Variants in CFDP1 observed in about 807,000 individuals in gnomAD.
The protein encoded by CFDP1 is heterochromatin-stabilizing protein CFDP1.
A neutral mutation model predicts 40.1 loss-of-function variants in CFDP1; 31 were observed. The ratio of observed to expected loss-of-function variants is 0.77; its 90% CI spans 0.58 to 1.04. The LOEUF is 1.04. CFDP1 is among the 50% of genes least tolerant of loss of function. The pLI, the probability that CFDP1 is intolerant of heterozygous loss-of-function variation, is 0.00. For synonymous variants in CFDP1, 167 were observed against 120.0 expected (o/e 1.39, Z -2.56); for missense variants, 423 against 343.4 (o/e 1.23, Z -1.83).
chr16:75,412,545 G>A lies in CFDP1; in HGVS notation c.392C>T (p.Thr131Ile), dbSNP rs191833187. ...AATGTCTCAACTTACCTTAACTTGTGTACTTGGGGGCACTTTTGATTTTGG... is the reference window on the plus strand; with the variant it reads ...AATGTCTCAACTTACCTTAACTTGTATACTTGGGGGCACTTTTGATTTTGG... ...VGPKSKVPPS[T>I]QVKKGEETEE... Residue 131 changes from threonine to isoleucine, a missense_variant, in exon 3 of 7, where the codon ACA becomes ATA. Coordinates refer to ENST00000283882, the MANE Select transcript of CFDP1 (RefSeq NM_006324.3). 4.0e-4 allele frequency: 640 copies of A among 1,613,462 alleles called. 3 individuals carry two copies. The East Asian group carries it at 0.013, about 33-fold the overall frequency.
chr16:75,362,152 G>T (rs1329328525), intron 5 of CFDP1, among the ~76,000 whole-genome samples: 1 of 152,232 alleles, frequency 6.6e-6, no homozygotes, highest in Non-Finnish European at 1.5e-5. Context: ...TCCTGGGTCA[G>T]TACTGTCATT....
chr16:75,305,136 C>T lies in CFDP1; in HGVS notation c.697G>A (p.Ala233Thr). Residue 233 changes from alanine to threonine, a missense_variant, in exon 6 of 7, where the codon GCC becomes ACC. Transcript: ENST00000283882. ...GMSSLLGKIG[A>T]KKQKMSTLEK... The stretch of plus-strand genomic sequence containing the variant: ...AGGGTGCTCATTTTCTGCTTCTTGG[C>T]ACCAATTTTCCCCAAAAGGCTGCTC... 3 of 1,614,126 alleles carry T rather than the reference C, an allele frequency of 1.9e-6. No individual in the cohort carries two copies. The highest frequency in any genetic ancestry group is 2.5e-6 in the Non-Finnish European group (3 of 1,180,016).
At chr16:75,326,987 T>G (rs952449992) in intron 5 of CFDP1, among the ~76,000 whole-genome samples, 4 of 152,180 alleles carry the variant, frequency 2.6e-5, no homozygotes, top group African/African-American at 9.6e-5. Context: ...AAAACGGGAA[T>G]AGGCCGGGCG....
At chr16:75,331,278 A>T (rs1165244015) in intron 5 of CFDP1, among the ~76,000 whole-genome samples, 1 of 152,120 alleles carries the variant, frequency 6.6e-6, no homozygotes, top group Non-Finnish European at 1.5e-5. Context: ...AGATTTTTTA[A>T]AATTTTGATT....
chr16:75,407,385 A>G (rs1299614440), intron 4 of CFDP1, among the ~76,000 whole-genome samples: 2 of 152,102 alleles, frequency 1.3e-5, no homozygotes, highest in African/African-American at 4.8e-5. Flanking sequence ...TTAAAAAAAT[A>G]TTCACACATG....
intron 5 of CFDP1, among the ~76,000 whole-genome samples, chr16:75,351,678 A>T (rs2078612161): frequency 6.6e-6 from 1 of 152,202 alleles, no homozygotes; most frequent in Admixed American, 6.5e-5. Flanking sequence ...GAAAATACTT[A>T]TCTTTCCTAT....
intron 4 of CFDP1, among the ~76,000 whole-genome samples, chr16:75,398,782 G>T (rs1330863753): frequency 2.0e-5 from 2 of 100,586 alleles, no homozygotes; most frequent in Admixed American, 1.3e-4. Flanking sequence ...AAGGCTGGGC[G>T]TGGTGGTCAT....
At chr16:75,312,928 G>C (rs1212735843) in intron 5 of CFDP1, among the ~76,000 whole-genome samples, 1 of 152,206 alleles carries the variant, frequency 6.6e-6, no homozygotes, top group Non-Finnish European at 1.5e-5. Flanking sequence ...GAGAATGTCA[G>C]ATGGGTATAG....
intron 6 of CFDP1, among the ~76,000 whole-genome samples, chr16:75,299,232 A>G (rs865963459): frequency 4.5e-4 from 69 of 152,290 alleles, no homozygotes; most frequent in African/African-American, 1.6e-3. Flanking sequence ...GCTGACTGAA[A>G]TGACTCCTGG....
At chr16:75,294,144 G>C (rs184315759) in intron 6 of CFDP1, 102 bp from the exon 7 acceptor site, 40 of 842,434 alleles carry the variant, frequency 4.7e-5, no homozygotes, top group Admixed American at 6.1e-5. Flanking sequence ...AGTAAATGGT[G>C]CCGAGAGTGA....
chr16:75,370,722 TGTG>T (rs2078745555), intron 5 of CFDP1, among the ~76,000 whole-genome samples: 1 of 151,944 alleles, frequency 6.6e-6, no homozygotes, highest in Non-Finnish European at 1.5e-5. Context: ...AATTAGCTGG[TGTG>T]GTGGCATGTG....
At chr16:75,340,230 C>G (rs891987712) in intron 5 of CFDP1, among the ~76,000 whole-genome samples, 1 of 152,186 alleles carries the variant, frequency 6.6e-6, no homozygotes, top group African/African-American at 2.4e-5. Context: ...GAGGTATCGA[C>G]AACAACCCTG....
At chr16:75,424,513 T>C (rs1012142988) in intron 1 of CFDP1, among the ~76,000 whole-genome samples, 2 of 152,248 alleles carry the variant, frequency 1.3e-5, no homozygotes, top group South Asian at 2.1e-4. Context: ...CCCAGCACTT[T>C]GGGAGGCTGA....
chr16:75,401,424 G>A (rs11861834), intron 4 of CFDP1, among the ~76,000 whole-genome samples: 1,958 of 86,586 alleles, frequency 0.023, 44 homozygotes, highest in African/African-American at 0.074. Flanking sequence ...TTAAGACTCC[G>A]TCTCAAAAAA....
intron 1 of CFDP1, among the ~76,000 whole-genome samples, chr16:75,427,790 T>C (rs2079358077): frequency 1.3e-5 from 2 of 152,212 alleles, no homozygotes; most frequent in Non-Finnish European, 2.9e-5. Flanking sequence ...AAGCTGTGTG[T>C]AAATATTTAT....
At chr16:75,299,464 G>A (rs1030434965) in intron 6 of CFDP1, among the ~76,000 whole-genome samples, 2 of 151,674 alleles carry the variant, frequency 1.3e-5, no homozygotes, top group South Asian at 2.1e-4. Context: ...GTGTGGTGGC[G>A]GGCGCCTGTA....
At chr16:75,432,269 C>T (rs557181924) in intron 1 of CFDP1, among the ~76,000 whole-genome samples, 3 of 146,800 alleles carry the variant, frequency 2.0e-5, no homozygotes, top group African/African-American at 5.0e-5. Context: ...GGCGCGGTGG[C>T]TCATGCCTGT....
chr16:75,365,185 T>C (rs1037690159), intron 5 of CFDP1, among the ~76,000 whole-genome samples: 2 of 152,228 alleles, frequency 1.3e-5, no homozygotes, highest in African/African-American at 2.4e-5. Context: ...TTTTATGTGA[T>C]AACTGAAGTT....
chr16:75,433,063 G>T (rs1567688037), intron 1 of CFDP1, among the ~76,000 whole-genome samples: 1 of 152,222 alleles, frequency 6.6e-6, no homozygotes, highest in Non-Finnish European at 1.5e-5. Context: ...TGCAAGAGGG[G>T]GCGGCGGCCG....
Sources: allele counts gnomAD v4.1 joint callset (sites outside exome capture counted in the v4.1 genomes callset), GRCh38; gene constraint gnomAD v4.1.1; transcripts MANE v1.5; gene names NCBI Gene and HGNC (gene_info 2026-07-23, HGNC 2026-07-21).